The following C1orf87 variants were observed in gnomAD, a reference collection of about 807,000 sequenced individuals.
The protein encoded by C1orf87 is uncharacterized protein C1orf87.
A neutral mutation model predicts 60.5 loss-of-function variants in C1orf87; 58 were observed. The observed-to-expected ratio is 0.96, with a 90% CI of 0.78 to 1.19. The LOEUF is 1.19. C1orf87 is among the 50% of genes most tolerant of loss of function. The pLI is 0.00. For synonymous variants in C1orf87, 236 were observed against 227.4 expected, an observed-to-expected ratio of 1.04 and a Z score of -0.34; for missense variants, 673 against 638.6, an observed-to-expected ratio of 1.05 and a Z score of -0.58.
At chr1:60,014,837 C>T (rs1185584772) in intron 8 of C1orf87, among the ~76,000 whole-genome samples, 2 of 152,124 alleles carry the variant, frequency 1.3e-5, no homozygotes, top group South Asian at 2.1e-4. Context: ...TACTCTTTCC[C>T]GTCTCTTACC....
chr1:60,065,161 C>T (rs2100332666), intron 2 of C1orf87, among the ~76,000 whole-genome samples: 1 of 148,100 alleles, frequency 6.8e-6, no homozygotes, highest in Middle Eastern at 3.5e-3. Flanking sequence ...AAAAAAATTA[C>T]CTGGGCTCCA....
intron 3 of C1orf87, among the ~76,000 whole-genome samples, chr1:60,045,204 G>T (rs939395267): frequency 6.6e-6 from 1 of 152,116 alleles, no homozygotes; most frequent in Admixed American, 6.5e-5. Flanking sequence ...TTAGACCAAG[G>T]TACTGGGGTG....
intron 2 of C1orf87, among the ~76,000 whole-genome samples, chr1:60,059,194 A>T (rs1236742107): frequency 6.6e-6 from 1 of 152,212 alleles, no homozygotes; most frequent in Non-Finnish European, 1.5e-5. Flanking sequence ...ATTGGTTGTT[A>T]TGTTGTTCAC....
At chr1:60,020,906 G>T (rs1232269115) in intron 8 of C1orf87, among the ~76,000 whole-genome samples, 3 of 152,100 alleles carry the variant, frequency 2.0e-5, no homozygotes, top group African/African-American at 7.2e-5. Flanking sequence ...ATGTCAAATT[G>T]TAATCCCCAT....
chr1:59,990,908 T>G, intron 11 of C1orf87, 75 bp from the exon 12 acceptor site: 1 of 1,425,050 alleles, frequency 7.0e-7, no homozygotes, highest in Non-Finnish European at 9.6e-7. Context: ...TATATTAGCT[T>G]GAATGACTTC....
chr1:60,066,844 A>T (rs2100334514), intron 2 of C1orf87, among the ~76,000 whole-genome samples: 2 of 151,760 alleles, frequency 1.3e-5, no homozygotes, highest in South Asian at 4.2e-4. Flanking sequence ...CCCCCCACTG[A>T]CAAGCCCTGG....
chr1:60,009,802 C>A (rs746502420), intron 9 of C1orf87, among the ~76,000 whole-genome samples: 2 of 151,896 alleles, frequency 1.3e-5, no homozygotes, highest in African/African-American at 4.8e-5. Context: ...AAATATTTTC[C>A]CCAATGCATC....
chr1:60,037,744 A>G (rs1297090661), intron 6 of C1orf87, among the ~76,000 whole-genome samples: 1 of 152,228 alleles, frequency 6.6e-6, no homozygotes, highest in Admixed American at 6.5e-5. Context: ...AGAGGCCAGC[A>G]AGCCAGCTTG....
chr1:60,056,986 T>C lies in C1orf87; in HGVS notation c.108-1548A>G, dbSNP rs189206051. Among the ~76,000 whole-genome samples, 5 of 152,300 alleles carry C rather than the reference T, an allele frequency of 3.3e-5. 1 individual carries two copies. Among genetic ancestry groups the C allele is most frequent in the Admixed American group, 2.6e-4 (4 of 15,304 alleles). ...AACCATGGGCAATAATTTGAATATA[T>C]GTATATTTTTATAGTCATCCTTTTG... On this transcript the variant is annotated intron_variant, in intron 2 of 11. Coordinates refer to ENST00000371201, the MANE Select transcript of C1orf87 (RefSeq NM_152377.3).
intron 2 of C1orf87, among the ~76,000 whole-genome samples, chr1:60,059,689 A>C (rs1158700858): frequency 6.6e-6 from 1 of 152,120 alleles, no homozygotes; most frequent in Admixed American, 6.5e-5. Context: ...CGAGAACATA[A>C]AATCTCAAAT....
intron 6 of C1orf87, among the ~76,000 whole-genome samples, chr1:60,037,021 T>G (rs1235963272): frequency 1.3e-5 from 2 of 152,236 alleles, no homozygotes; most frequent in East Asian, 1.9e-4. Flanking sequence ...AAAAGACACA[T>G]GCTTGATGTT....
In C1orf87 at chr1:60,012,193, A is replaced by AAAC. The variant is rs372880067; in HGVS notation, c.1128-1740_1128-1738dup. ...ACGCTTTGATGAAAAAAAAAACACA[A>AAAC]AACAACAACAACAACAACAAAAACC... On this transcript the variant is annotated intron_variant, in intron 8 of 11. Coordinates refer to ENST00000371201, the MANE Select transcript of C1orf87 (RefSeq NM_152377.3). Among the ~76,000 whole-genome samples the AAAC allele has an allele frequency of 6.6e-5, 10 of 151,818 alleles. 1 individual carries two copies. The highest frequency in any genetic ancestry group is 4.6e-4 in the Admixed American group (7 of 15,222).
chr1:60,000,081 A>C (rs1221945368), intron 10 of C1orf87, among the ~76,000 whole-genome samples: 1 of 152,134 alleles, frequency 6.6e-6, no homozygotes, highest in Non-Finnish European at 1.5e-5. Flanking sequence ...TTTTTAATGT[A>C]TCCTTGAGGT....
chr1:60,007,403 T>C (rs1455570335), intron 9 of C1orf87, among the ~76,000 whole-genome samples: 7 of 152,106 alleles, frequency 4.6e-5, no homozygotes, highest in Non-Finnish European at 8.8e-5. Flanking sequence ...ATTCCTTTTA[T>C]AGATTCAAAT....
intron 3 of C1orf87, among the ~76,000 whole-genome samples, chr1:60,054,696 A>G (rs1483288373): frequency 2.6e-5 from 4 of 152,236 alleles, no homozygotes; most frequent in African/African-American, 9.6e-5. Context: ...ATATAGATTC[A>G]TCATCATCAA....
intron 6 of C1orf87, 63 bp downstream of exon 6, chr1:60,037,929 A>G (rs986308757): frequency 1.1e-5 from 12 of 1,075,442 alleles, no homozygotes; most frequent in Admixed American, 4.3e-5. Context: ...GTACTTTTTT[A>G]TAGCAGCCCA....
At chr1:60,018,453 C>G (rs1645138588) in intron 8 of C1orf87, among the ~76,000 whole-genome samples, 1 of 152,200 alleles carries the variant, frequency 6.6e-6, no homozygotes, top group African/African-American at 2.4e-5. Context: ...TAGCCTAACA[C>G]TATTTGCTCC....
chr1:60,007,550 A>G (rs1306558887), intron 9 of C1orf87, among the ~76,000 whole-genome samples: 2 of 152,076 alleles, frequency 1.3e-5, no homozygotes, highest in East Asian at 1.9e-4. Flanking sequence ...GAAAAACTTA[A>G]GAGATTTTGT....
At chr1:60,015,717 C>T (rs1367270455) in intron 8 of C1orf87, among the ~76,000 whole-genome samples, 1 of 152,132 alleles carries the variant, frequency 6.6e-6, no homozygotes, top group African/African-American at 2.4e-5. Context: ...TTAGAACCCA[C>T]CCTAACAGTC....
Sources: gnomAD v4.1 joint callset for allele counts (sites outside exome capture counted in the v4.1 genomes callset) on GRCh38, gnomAD v4.1.1 for gene constraint, MANE v1.5 for transcripts, NCBI Gene and HGNC (gene_info 2026-07-23, HGNC 2026-07-21) for gene names.